SLC35F3: variants seen among roughly 807,000 people sequenced by gnomAD.
SLC35F3 encodes the protein solute carrier family 35 member F3, also known as putative thiamine transporter SLC35F3.
Under a neutral mutation model 49.9 loss-of-function variants are expected in SLC35F3, and 25 were observed. That is an observed-to-expected ratio of 0.50 (90% CI 0.37 to 0.70). The LOEUF (loss-of-function observed/expected upper bound fraction) is 0.70, where lower values mean the gene tolerates loss of function less well. Ranked by LOEUF, SLC35F3 falls within the 30% of genes least tolerant of loss-of-function variation. The pLI, the probability that SLC35F3 is intolerant of heterozygous loss-of-function variation, is 0.00. For missense variants in SLC35F3, 525 were observed against 639.8 expected (o/e 0.82, Z 1.94); for synonymous variants, 275 against 265.4 (o/e 1.04, Z -0.35).
chr1:234,231,333 T>C lies in SLC35F3; in HGVS notation c.284-84T>C. On this transcript the variant is annotated intron_variant, in intron 2 of 7. Coordinates refer to ENST00000366618, the MANE Select transcript of SLC35F3 (RefSeq NM_173508.4). This position sits in a 1 kb window ranked among gnomAD's most constrained non-coding sequence, Gnocchi z 5.4. ...CCCCGGGCCCCCAGGTAGCTGGTGG[T>C]GACAATGGCTGCAGGGCAGCGCCCT... 1 of 1,195,118 alleles carries C rather than the reference T, an allele frequency of 8.4e-7. No individual in the cohort carries two copies. The highest frequency in any genetic ancestry group is 1.1e-6 in the Non-Finnish European group (1 of 881,556). 74.0% of individuals were successfully genotyped at this position (1,195,118 alleles called of 1,614,324 possible).
intron 2 of SLC35F3, among the ~76,000 whole-genome samples, chr1:234,184,071 G>A (rs1245107188): frequency 1.3e-5 from 2 of 151,492 alleles, no homozygotes; most frequent in African/African-American, 2.4e-5. Context: ...TTGAAAATAT[G>A]TATAGCTGTT....
chr1:234,144,157 G>A (rs1012001557), intron 2 of SLC35F3, among the ~76,000 whole-genome samples: 2 of 152,184 alleles, frequency 1.3e-5, no homozygotes, highest in Non-Finnish European at 2.9e-5. Flanking sequence ...CTTGAATGAA[G>A]CTATAAGCTT....
At chr1:234,147,802 A>G (rs546883124) in intron 2 of SLC35F3, among the ~76,000 whole-genome samples, 30 of 152,348 alleles carry the variant, frequency 2.0e-4, no homozygotes, top group African/African-American at 7.0e-4. Flanking sequence ...GTGAATCTGA[A>G]TGACCGGAGA....
chr1:234,013,598 G>A (rs1663757566), intron 2 of SLC35F3, among the ~76,000 whole-genome samples: 1 of 151,756 alleles, frequency 6.6e-6, no homozygotes, highest in Admixed American at 6.6e-5. Flanking sequence ...CCCTTAGCTA[G>A]GCTAAGAAGA....
intron 2 of SLC35F3, among the ~76,000 whole-genome samples, chr1:234,192,607 G>C (rs1177963434): frequency 6.6e-5 from 10 of 152,158 alleles, no homozygotes; most frequent in Admixed American, 5.2e-4. Flanking sequence ...AATCAGACAA[G>C]AGAAACAAAT....
intron 2 of SLC35F3, among the ~76,000 whole-genome samples, chr1:234,226,434 C>T (rs1294529056): frequency 2.0e-5 from 3 of 151,470 alleles, no homozygotes; most frequent in East Asian, 1.9e-4. Flanking sequence ...CTCGGGGAAG[C>T]TCATAAAAGA....
chr1:234,008,792 G>A (rs9919288), intron 2 of SLC35F3, among the ~76,000 whole-genome samples: 4,619 of 152,170 alleles, frequency 0.03, 210 homozygotes, highest in African/African-American at 0.1. Context: ...AGCCCCTCAG[G>A]ACCCCTTCTG....
At chr1:234,008,667 G>A (rs1663667982) in intron 2 of SLC35F3, among the ~76,000 whole-genome samples, 2 of 152,204 alleles carry the variant, frequency 1.3e-5, no homozygotes, top group South Asian at 4.1e-4. Context: ...GCTCTAGGAA[G>A]AGTTTCCAAG....
At chr1:233,949,894 ACCCTGGGCAGAGATG>A (rs1662575793) in intron 2 of SLC35F3, among the ~76,000 whole-genome samples, 1 of 152,214 alleles carries the variant, frequency 6.6e-6, no homozygotes, top group Admixed American at 6.5e-5. Context: ...CGTACTTCAG[ACCCTGGGCAGAGATG>A]CCCTGGGCAC....
At position 234,183,465 on chromosome 1, in the gene SLC35F3, T is replaced by G. The variant is rs1340505460; in HGVS notation, c.284-47952T>G. 1.4e-5 allele frequency among the ~76,000 whole-genome samples: 2 copies of G among 143,280 alleles called. 1 individual carries two copies. The highest frequency in any genetic ancestry group is 4.9e-5 in the African/African-American group (2 of 41,200). 94.0% of individuals were successfully genotyped at this position (143,280 alleles called of 152,430 possible). A position where few individuals can be genotyped will look rare whatever the true frequency, so the allele number is the denominator to read the frequency against. On this transcript the variant is annotated intron_variant, in intron 2 of 7. Transcript: ENST00000366618. Reference sequence around the variant, plus strand: ...ATGTAAATATTTCAGAGTGATGTATTCCAATTTTTTAAAGCAAATGAATTC... The same window carrying G: ...ATGTAAATATTTCAGAGTGATGTATGCCAATTTTTTAAAGCAAATGAATTC...
chr1:234,308,109 T>C (rs1657244137), intron 3 of SLC35F3, among the ~76,000 whole-genome samples: 1 of 152,222 alleles, frequency 6.6e-6, no homozygotes, highest in South Asian at 2.1e-4. Context: ...TCTGAACTTT[T>C]GGATCTGCTT....
At chr1:234,113,645 C>A (rs1000741245) in intron 2 of SLC35F3, among the ~76,000 whole-genome samples, 1 of 152,078 alleles carries the variant, frequency 6.6e-6, no homozygotes, top group African/African-American at 2.4e-5. Flanking sequence ...GGGCAGATCA[C>A]CTGAGATCAG....
At chr1:233,908,198 CAA>C (rs879340874) in intron 2 of SLC35F3, among the ~76,000 whole-genome samples, 1 of 140,988 alleles carries the variant, frequency 7.1e-6, no homozygotes, top group Non-Finnish European at 1.6e-5. Flanking sequence ...AAAACAAAGA[CAA>C]AAAAAAAAAA....
intron 2 of SLC35F3, among the ~76,000 whole-genome samples, chr1:233,993,006 T>C (rs1663390012): frequency 1.3e-5 from 2 of 152,226 alleles, no homozygotes; most frequent in South Asian, 4.1e-4. Context: ...CTTTGTCATT[T>C]GAATGTACTT....
chr1:234,044,057 G>A (rs1664258237), intron 2 of SLC35F3, among the ~76,000 whole-genome samples: 1 of 152,100 alleles, frequency 6.6e-6, no homozygotes, highest in South Asian at 2.1e-4. Flanking sequence ...ATGTCCTGGT[G>A]GCTCCATCCT....
At chr1:233,921,377 C>T (rs952001733) in intron 2 of SLC35F3, among the ~76,000 whole-genome samples, 5 of 152,266 alleles carry the variant, frequency 3.3e-5, no homozygotes, top group Middle Eastern at 3.4e-3. Context: ...ACTGATGAGC[C>T]TGCACTGACA....
At chr1:233,971,869 C>A (rs1662999448) in intron 2 of SLC35F3, among the ~76,000 whole-genome samples, 1 of 152,190 alleles carries the variant, frequency 6.6e-6, no homozygotes, top group Non-Finnish European at 1.5e-5. Context: ...ATTGACCATC[C>A]ACTTACACCC....
intron 2 of SLC35F3, among the ~76,000 whole-genome samples, chr1:234,223,708 C>A (rs1428487515): frequency 6.6e-6 from 1 of 152,186 alleles, no homozygotes; most frequent in Non-Finnish European, 1.5e-5. Flanking sequence ...TTGGTCCATG[C>A]CTTACACCTT....
In SLC35F3 at chr1:233,974,578, C is replaced by A. The variant is rs1411997926; in HGVS notation, c.283+68820C>A. Among the ~76,000 whole-genome samples, 44 of 152,166 alleles carry A rather than the reference C, an allele frequency of 2.9e-4. 1 individual carries two copies. The highest frequency in any genetic ancestry group is 2.9e-5 in the Non-Finnish European group (2 of 68,036). ...AAAGTCAAGTTTTCTCATAGTGGCC[C>A]AGTTAGCACTTCCTTTCATTTTAAT... On this transcript the variant is annotated intron_variant, in intron 2 of 7. Transcript: ENST00000366618.
Sources: allele counts gnomAD v4.1 joint callset (sites outside exome capture counted in the v4.1 genomes callset), GRCh38; gene constraint gnomAD v4.1.1; non-coding constraint Gnocchi (gnomAD v3.1); transcripts MANE v1.5; gene names NCBI Gene and HGNC (gene_info 2026-07-23, HGNC 2026-07-21).